The following MAST2 variants were observed in gnomAD, a reference collection of about 807,000 sequenced individuals.
MAST2 encodes the protein microtubule-associated serine/threonine-protein kinase 2.
Under a neutral mutation model 147.4 loss-of-function variants are expected in MAST2, and 70 were observed. The observed-to-expected ratio is 0.47, with a 90% CI of 0.39 to 0.58. The LOEUF is 0.58. MAST2 is among the 20% of genes least tolerant of loss of function. The probability of loss-of-function intolerance (pLI) is 0.00; values close to 1 mark genes in which losing one functional copy is unlikely to be tolerated. For synonymous variants in MAST2, 869 were observed against 896.8 expected (o/e 0.97, Z 0.55); for missense variants, 2,080 against 2,302.3 (o/e 0.90, Z 1.98).
intron 5 of MAST2, among the ~76,000 whole-genome samples, chr1:45,986,498 G>A (rs1644623919): frequency 6.6e-6 from 1 of 151,960 alleles, no homozygotes; most frequent in Non-Finnish European, 1.5e-5. Context: ...GGCGGATCAC[G>A]AGGTTAGGAG....
intron 3 of MAST2, among the ~76,000 whole-genome samples, chr1:45,841,656 G>A (rs978226273): frequency 2.0e-5 from 3 of 152,090 alleles, no homozygotes; most frequent in African/African-American, 4.8e-5. Context: ...TGGCTCACTG[G>A]TGGTAAAAGA....
rs1570934813 is a variant in MAST2, at chr1:45,959,382, G to A, written c.501-4G>A. ...TTATAATTCATATTTTGTTTTCATTGCAGTTGTCGGACAAGTAACCGCAAG... is the reference window on the plus strand; with the variant it reads ...TTATAATTCATATTTTGTTTTCATTACAGTTGTCGGACAAGTAACCGCAAG... On this transcript the variant is annotated splice_polypyrimidine_tract_variant and splice_region_variant and intron_variant, in intron 4 of 28. Coordinates refer to ENST00000361297, the MANE Select transcript of MAST2 (RefSeq NM_015112.3). The A allele has an allele frequency of 6.2e-6, 10 of 1,612,714 alleles. No homozygotes were observed. In the East Asian group the frequency reaches 2.2e-4, roughly 36 times the overall value.
intron 1 of MAST2, among the ~76,000 whole-genome samples, chr1:45,814,787 C>T (rs1644404263): frequency 6.6e-6 from 1 of 152,152 alleles, no homozygotes; most frequent in African/African-American, 2.4e-5. Flanking sequence ...AACTCTATCT[C>T]AAAAATAAAA....
At chr1:46,025,972 C>G (rs1052069879) in intron 16 of MAST2, among the ~76,000 whole-genome samples, 157 bp downstream of exon 16, 1 of 152,214 alleles carries the variant, frequency 6.6e-6, no homozygotes, top group African/African-American at 2.4e-5. Context: ...GCCCCCCGAC[C>G]ACCCCAGATG....
intron 3 of MAST2, among the ~76,000 whole-genome samples, chr1:45,836,895 G>A (rs1253882807): frequency 1.3e-5 from 2 of 152,138 alleles, no homozygotes; most frequent in South Asian, 2.1e-4. Context: ...ACAGATGGGT[G>A]GAGGGGGGAT....
intron 1 of MAST2, among the ~76,000 whole-genome samples, chr1:45,810,487 C>G (rs1374698329): frequency 6.6e-6 from 1 of 152,062 alleles, no homozygotes; most frequent in African/African-American, 2.4e-5. Flanking sequence ...ATTAAAGAAG[C>G]CTTGATTGTT....
At position 46,034,941 on chromosome 1, in the gene MAST2, T is replaced by C. The variant is rs17855317; in HGVS notation, c.4272T>C (p.Thr1424=). 385,192 of 1,613,888 alleles carry C rather than the reference T, an allele frequency of 0.24. 49,691 individuals carry two copies. Among genetic ancestry groups the C allele is most frequent in the Non-Finnish European group, 0.27 (313,783 of 1,179,970 alleles). ...ALAASEKKLA[T]SRKHSLDLPH... The stretch of plus-strand genomic sequence containing the variant: ...CCGCCTCTGAGAAGAAGCTAGCCAC[T>C]TCTCGCAAGCACAGCCTTGACCTGC... Residue 1424 remains threonine (T), a synonymous_variant, in exon 29 of 29, where the codon ACT becomes ACC. Transcript: ENST00000361297.
Position 46,031,797 on chromosome 1 carries a change from A to T in MAST2, c.3187+212A>T, listed in dbSNP as rs1290736321. Among the ~76,000 whole-genome samples, 1 of 152,200 alleles carries T rather than the reference A, an allele frequency of 6.6e-6. No individual in the cohort carries two copies. Among genetic ancestry groups the T allele is most frequent in the East Asian group, 1.9e-4 (1 of 5,188 alleles). ...GTCACAAGTGCAGGCTTTGGGGTAG[A>T]GAGCTCACACTCAAATCCTGGCTCC... On this transcript the variant is annotated intron_variant, in intron 24 of 28. Coordinates refer to ENST00000361297, the MANE Select transcript of MAST2 (RefSeq NM_015112.3). The surrounding 1 kb of genome is among the most constrained non-coding windows in gnomAD (Gnocchi z 4.1).
intron 3 of MAST2, among the ~76,000 whole-genome samples, chr1:45,859,235 C>G (rs1353172388): frequency 6.6e-6 from 1 of 152,120 alleles, no homozygotes; most frequent in Non-Finnish European, 1.5e-5. Flanking sequence ...GCTGGGACTA[C>G]AGGCACAAAA....
intron 4 of MAST2, among the ~76,000 whole-genome samples, chr1:45,911,847 A>G (rs1439160457): frequency 7.2e-6 from 1 of 139,316 alleles, no homozygotes; most frequent in African/African-American, 2.8e-5. Context: ...CATTATTATT[A>G]TTGTTATATT....
chr1:46,029,004 T>C (rs1183960237), intron 18 of MAST2, 71 bp downstream of exon 18: 1 of 1,469,150 alleles, frequency 6.8e-7, no homozygotes, highest in East Asian at 2.3e-5. Flanking sequence ...TGCAGGCAGC[T>C]CGTGAGGCCT....
chr1:45,961,605 G>A (rs1159477021), intron 5 of MAST2, among the ~76,000 whole-genome samples: 1 of 152,162 alleles, frequency 6.6e-6, no homozygotes, highest in Non-Finnish European at 1.5e-5. Context: ...GTTAGCATCT[G>A]TATTATCTCT....
chr1:45,908,293 A>G (rs1394396993), intron 4 of MAST2, among the ~76,000 whole-genome samples: 1 of 152,138 alleles, frequency 6.6e-6, no homozygotes, highest in East Asian at 1.9e-4. Context: ...GGTTTGCTGC[A>G]CCCATCAACC....
At chr1:46,002,937 T>C in intron 7 of MAST2, 54 bp downstream of exon 7, 2 of 1,547,238 alleles carry the variant, frequency 1.3e-6, no homozygotes, top group Non-Finnish European at 1.8e-6. Context: ...AGTACTTCCC[T>C]TTGGGTTATC....
chr1:45,901,387 T>A (rs1649735897), intron 4 of MAST2, among the ~76,000 whole-genome samples: 1 of 152,186 alleles, frequency 6.6e-6, no homozygotes, highest in Non-Finnish European at 1.5e-5. Flanking sequence ...AGTACCATGA[T>A]GTTTTGGTGA....
intron 3 of MAST2, among the ~76,000 whole-genome samples, chr1:45,857,608 CTTATT>C (rs1170151008): frequency 2.0e-5 from 3 of 152,012 alleles, no homozygotes; most frequent in Non-Finnish European, 4.4e-5. Flanking sequence ...AAAGTTAGTT[CTTATT>C]TTTATACTTT....
intron 4 of MAST2, among the ~76,000 whole-genome samples, chr1:45,938,619 G>C (rs751617678): frequency 5.3e-5 from 8 of 152,150 alleles, no homozygotes; most frequent in Admixed American, 2.0e-4. Flanking sequence ...CAGCCACTGC[G>C]CCCAAACTAT....
At position 45,820,562 on chromosome 1, in the gene MAST2, G is replaced by C. The variant is rs779757359; in HGVS notation, c.178-3871G>C. Among the ~76,000 whole-genome samples the C allele has an allele frequency of 2.8e-4, 42 of 152,092 alleles. 1 individual carries two copies. In the Middle Eastern group the frequency reaches 0.034, roughly 123 times the overall value. On this transcript the variant is annotated intron_variant, in intron 1 of 28. Coordinates refer to ENST00000361297, the MANE Select transcript of MAST2 (RefSeq NM_015112.3). The stretch of plus-strand genomic sequence containing the variant: ...GGCAGATTACATCTTTATTCATTGT[G>C]TGCTAAATATCATAGATTTATAATT...
intron 3 of MAST2, among the ~76,000 whole-genome samples, chr1:45,870,962 G>T (rs943975577): frequency 6.6e-6 from 1 of 151,554 alleles, no homozygotes; most frequent in African/African-American, 2.4e-5. Flanking sequence ...AAAATTCATG[G>T]AAGATTTTTT....
Sources: gnomAD v4.1 joint callset for allele counts (sites outside exome capture counted in the v4.1 genomes callset) on GRCh38, gnomAD v4.1.1 for gene constraint, Gnocchi (gnomAD v3.1) non-coding constraint, MANE v1.5 for transcripts, NCBI Gene and HGNC (gene_info 2026-07-23, HGNC 2026-07-21) for gene names.